RPTOR: variants seen among roughly 807,000 people sequenced by gnomAD.
RPTOR encodes regulatory-associated protein of mTOR.
A neutral mutation model predicts 169.9 loss-of-function variants in RPTOR; 21 were observed. The observed-to-expected ratio is 0.12, with a 90% CI of 0.09 to 0.18. The LOEUF is 0.18. Among genes scored for constraint, RPTOR ranks in the 10% least tolerant of loss-of-function variants. The probability of loss-of-function intolerance (pLI) is 1.00; values close to 1 mark genes in which losing one functional copy is unlikely to be tolerated. For missense variants in RPTOR, 1,133 were observed against 1,855.9 expected (o/e 0.61, Z 7.16); for synonymous variants, 732 against 753.2 (o/e 0.97, Z 0.46).
chr17:80,880,528 T>G (rs2143829830), intron 14 of RPTOR, 39 bp downstream of exon 14: 2 of 1,587,378 alleles, frequency 1.3e-6, no homozygotes, highest in Non-Finnish European at 1.7e-6. Flanking sequence ...GGCTTGGGAC[T>G]CAGCACTCGC....
chr17:80,836,491 C>T (rs181672345), intron 9 of RPTOR, among the ~76,000 whole-genome samples: 1 of 152,304 alleles, frequency 6.6e-6, no homozygotes, highest in East Asian at 1.9e-4. Flanking sequence ...GAAACAGTCT[C>T]ATGATCATGT....
intron 20 of RPTOR, among the ~76,000 whole-genome samples, chr17:80,905,873 A>G (rs989873626): frequency 1.3e-5 from 2 of 152,144 alleles, no homozygotes; most frequent in African/African-American, 4.8e-5. Flanking sequence ...TATTCTTCAC[A>G]GTGGCCTGGT....
intron 28 of RPTOR, among the ~76,000 whole-genome samples, chr17:80,951,325 CCAGCTTACATATCAGGAAG>C: frequency 6.6e-6 from 1 of 152,350 alleles, no homozygotes; most frequent in East Asian, 1.9e-4. Flanking sequence ...ATGGCAGTGC[CCAGCTTACATATCAGGAAG>C]CAGCACTGAC....
At position 80,701,430 on chromosome 17, in the gene RPTOR, A is replaced by C. The variant is rs151030225; in HGVS notation, c.349-6411A>C. ...TTTCATCCTAACACCCTTAAGGGTG[A>C]GGGTAAACAAGGGCTATAGGAGGCG... On this transcript the variant is annotated intron_variant, in intron 3 of 33. Transcript: ENST00000306801. Among the ~76,000 whole-genome samples, 7 of 152,272 alleles carry C rather than the reference A, an allele frequency of 4.6e-5. No individual in the cohort carries two copies. In the East Asian group the frequency reaches 1.4e-3, roughly 29 times the overall value.
chr17:80,787,575 A>G (rs923145671), intron 6 of RPTOR, among the ~76,000 whole-genome samples: 2 of 152,238 alleles, frequency 1.3e-5, no homozygotes, highest in African/African-American at 4.8e-5. Flanking sequence ...AGGAACATTC[A>G]GTTTTAAGGG....
rs2069117867 is a variant in RPTOR, at chr17:80,947,475, C to T, written c.3265+124C>T. On this transcript the variant is annotated intron_variant, in intron 27 of 33. Transcript: ENST00000306801. This position sits in a 1 kb window ranked among gnomAD's most constrained non-coding sequence, Gnocchi z 4.4. Reference sequence around the variant, plus strand: ...GAAAGCCCTGCTCACACGCGAGGGCCACTGTCATTCAGAAGTGGGGAGGTT... The same window carrying T: ...GAAAGCCCTGCTCACACGCGAGGGCTACTGTCATTCAGAAGTGGGGAGGTT... 5.6e-6 allele frequency: 7 copies of T among 1,248,572 alleles called. No individual in the cohort carries two copies. The highest frequency in any genetic ancestry group is 7.2e-6 in the Non-Finnish European group (7 of 965,686). 77.3% of individuals were successfully genotyped at this position (1,248,572 alleles called of 1,614,324 possible).
At chr17:80,742,757 T>C (rs1324572117) in intron 5 of RPTOR, among the ~76,000 whole-genome samples, 2 of 151,852 alleles carry the variant, frequency 1.3e-5, no homozygotes, top group African/African-American at 4.8e-5. Flanking sequence ...TACATGCACA[T>C]ATAGACACGC....
At position 80,947,386 on chromosome 17, in the gene RPTOR, A is replaced by G. The variant is rs759500346; in HGVS notation, c.3265+35A>G. Reference sequence around the variant, plus strand: ...GTTTGCACAGCCAGGATTGGAAGCCAGGGTCTGGAGGAGTGGCGGGGAGGG... The same window carrying G: ...GTTTGCACAGCCAGGATTGGAAGCCGGGGTCTGGAGGAGTGGCGGGGAGGG... On this transcript the variant is annotated intron_variant, in intron 27 of 33. Transcript: ENST00000306801. The surrounding 1 kb of genome is among the most constrained non-coding windows in gnomAD (Gnocchi z 4.4). 3 of 1,507,686 alleles carry G rather than the reference A, an allele frequency of 2.0e-6. No homozygotes were observed. Among genetic ancestry groups the G allele is most frequent in the African/African-American group, 2.8e-5 (2 of 70,434 alleles). The allele number at this position is 1,507,686 out of a possible 1,614,324, so 93.4% of individuals were successfully genotyped here.
At chr17:80,690,342 T>C (rs72849930) in intron 3 of RPTOR, among the ~76,000 whole-genome samples, 4,163 of 145,360 alleles carry the variant, frequency 0.029, 186 homozygotes, top group African/African-American at 0.11. Flanking sequence ...CACACACACA[T>C]ACACACACAC....
rs2084509068 is a variant in RPTOR at position 80,562,298 on chromosome 17, G to A, written c.162+16507G>A. ...TTGTGAAAACTTAAGGAATGTTTTG[G>A]TGGGATATGTTGAAATTGTTGCCTA... is the stretch of plus-strand genomic sequence containing the variant. On this transcript the variant is annotated intron_variant, in intron 1 of 33. Coordinates refer to ENST00000306801, the MANE Select transcript of RPTOR (RefSeq NM_020761.3). This position sits in a 1 kb window ranked among gnomAD's most constrained non-coding sequence, Gnocchi z 4.4. 6.6e-6 allele frequency among the ~76,000 whole-genome samples: 1 copy of A among 152,196 alleles called. No homozygotes were observed. The highest frequency in any genetic ancestry group is 2.1e-4 in the South Asian group (1 of 4,830).
At chr17:80,928,773 T>C (rs544704669) in intron 24 of RPTOR, among the ~76,000 whole-genome samples, 1 of 152,202 alleles carries the variant, frequency 6.6e-6, no homozygotes, top group Non-Finnish European at 1.5e-5. Flanking sequence ...AAGAAAAAGA[T>C]GTATTGAATT....
At chr17:80,581,543 G>A (rs12938939) in intron 1 of RPTOR, among the ~76,000 whole-genome samples, 25 of 142,594 alleles carry the variant, frequency 1.8e-4, no homozygotes, top group Admixed American at 6.3e-4. Context: ...ACCGCACATC[G>A]GGCCAGTGCA....
intron 1 of RPTOR, among the ~76,000 whole-genome samples, chr17:80,589,075 C>A (rs1298798488): frequency 6.6e-6 from 1 of 152,144 alleles, no homozygotes; most frequent in East Asian, 1.9e-4. Flanking sequence ...CCCTGTGTGC[C>A]CAGGGCAGTC....
intron 3 of RPTOR, among the ~76,000 whole-genome samples, chr17:80,684,425 TTTATTTATTTATTTA>T (rs2065920772): frequency 6.7e-6 from 1 of 148,898 alleles, no homozygotes. Context: ...TATTTATTTA[TTTATTTATTTATTTA>T]TTTATTTATT....
chr17:80,798,725 C>G (rs1235768585), intron 7 of RPTOR, among the ~76,000 whole-genome samples: 1 of 152,140 alleles, frequency 6.6e-6, no homozygotes, highest in Non-Finnish European at 1.5e-5. Flanking sequence ...CTGCCTCCCT[C>G]CAGGCAGCAC....
rs552023017 is a variant in RPTOR, at chr17:80,612,027, G to A, written c.163-13664G>A. 2.3e-4 allele frequency among the ~76,000 whole-genome samples: 35 copies of A among 152,272 alleles called. 1 individual carries two copies. The highest frequency in any genetic ancestry group is 2.0e-3 in the Admixed American group (30 of 15,298). On this transcript the variant is annotated intron_variant, in intron 1 of 33. Transcript: ENST00000306801. The stretch of plus-strand genomic sequence containing the variant: ...CACATTAAGTCTTTTTGGCAAGAAC[G>A]CTTCATAAGTGTTGTTGATGACTTC...
chr17:80,729,375 G>C (rs2066369458), intron 4 of RPTOR, among the ~76,000 whole-genome samples: 1 of 152,202 alleles, frequency 6.6e-6, no homozygotes, highest in Admixed American at 6.5e-5. Context: ...TCCAAGGAAA[G>C]GTAAATAATG....
intron 20 of RPTOR, among the ~76,000 whole-genome samples, chr17:80,907,289 A>G (rs1333400704): frequency 3.3e-5 from 5 of 152,280 alleles, no homozygotes; most frequent in Non-Finnish European, 5.9e-5. Context: ...CCAAAAATAA[A>G]GAAGATGGAG....
chr17:80,661,518 A>G (rs1224566958), intron 3 of RPTOR, among the ~76,000 whole-genome samples: 1 of 152,164 alleles, frequency 6.6e-6, no homozygotes, highest in Non-Finnish European at 1.5e-5. Context: ...ATGAGCTTGT[A>G]GATGAGTTGG....
Sources: allele counts gnomAD v4.1 joint callset (sites outside exome capture counted in the v4.1 genomes callset), GRCh38; gene constraint gnomAD v4.1.1; non-coding constraint Gnocchi (gnomAD v3.1); transcripts MANE v1.5; gene names NCBI Gene and HGNC (gene_info 2026-07-23, HGNC 2026-07-21).